Variants in RBFOX1 observed in about 807,000 individuals in gnomAD.
RBFOX1 encodes RNA binding fox-1 homolog 1, also known as RNA binding protein fox-1 homolog 1.
In RBFOX1, 8 loss-of-function variants were observed where a neutral mutation model predicts 57.7. The observed-to-expected ratio is 0.14, with a 90% CI of 0.08 to 0.25. The LOEUF (loss-of-function observed/expected upper bound fraction) is 0.25, where lower values mean the gene tolerates loss of function less well. Ranked by LOEUF, RBFOX1 falls within the 10% of genes least tolerant of loss-of-function variation. The probability of loss-of-function intolerance (pLI) is 1.00; values close to 1 mark genes in which losing one functional copy is unlikely to be tolerated. For synonymous variants in RBFOX1, 326 were observed against 222.4 expected, an observed-to-expected ratio of 1.47 and a Z score of -4.15; for missense variants, 611 against 548.5, an observed-to-expected ratio of 1.11 and a Z score of -1.14.
chr16:7,220,910 A>G (rs1290527572), intron 4 of RBFOX1, among the ~76,000 whole-genome samples: 1 of 152,044 alleles, frequency 6.6e-6, no homozygotes, highest in Admixed American at 6.6e-5. Context: ...GCTCTATGGA[A>G]TGGGTTCTTA....
At chr16:5,676,642 C>A (rs1392143718) in intron 3 of RBFOX1, among the ~76,000 whole-genome samples, 2 of 152,186 alleles carry the variant, frequency 1.3e-5, no homozygotes, top group African/African-American at 4.8e-5. Flanking sequence ...AGGAAGATCA[C>A]TGGAGGCCAG....
intron 3 of RBFOX1, among the ~76,000 whole-genome samples, chr16:6,754,428 G>A (rs368020309): frequency 5.9e-5 from 9 of 152,250 alleles, no homozygotes; most frequent in South Asian, 2.1e-4. Flanking sequence ...ACCTACGGTC[G>A]AAGATTCAGT....
At chr16:6,909,494 A>G (rs992501640) in intron 3 of RBFOX1, among the ~76,000 whole-genome samples, 4 of 152,202 alleles carry the variant, frequency 2.6e-5, no homozygotes, top group African/African-American at 9.6e-5. Context: ...ATGAGACAAG[A>G]TTCTGTCTAT....
At chr16:6,282,355 G>GTTTTTTTTTTT (rs151272388) in intron 1 of RBFOX1, among the ~76,000 whole-genome samples, 7 of 125,258 alleles carry the variant, frequency 5.6e-5, no homozygotes, top group Non-Finnish European at 6.8e-5. Flanking sequence ...TACCTTGTCT[G>GTTTTTTTTTTT]TTTTTTTTTT....
chr16:5,701,344 T>G (rs895705504), intron 3 of RBFOX1, among the ~76,000 whole-genome samples: 1 of 152,254 alleles, frequency 6.6e-6, no homozygotes, highest in East Asian at 1.9e-4. Context: ...AAAGTTTATT[T>G]TGCATGTAGA....
chr16:5,994,118 A>G (rs935328005), intron 4 of RBFOX1, among the ~76,000 whole-genome samples: 2 of 152,106 alleles, frequency 1.3e-5, no homozygotes, highest in African/African-American at 4.8e-5. Flanking sequence ...CTGTTTTTCC[A>G]GCTGTAATGG....
chr16:6,738,736 C>T (rs962179578), intron 3 of RBFOX1, among the ~76,000 whole-genome samples: 1 of 152,038 alleles, frequency 6.6e-6, no homozygotes. Context: ...ATGTCCTAGG[C>T]CATAAAATAG....
chr16:5,534,256 G>C (rs760028264), intron 2 of RBFOX1, among the ~76,000 whole-genome samples: 7 of 152,160 alleles, frequency 4.6e-5, no homozygotes, highest in Non-Finnish European at 1.0e-4. Flanking sequence ...TACTGTATTA[G>C]AGTTCTCCAG....
chr16:7,233,551 T>G (rs1239395897), intron 4 of RBFOX1, among the ~76,000 whole-genome samples: 2 of 152,178 alleles, frequency 1.3e-5, no homozygotes, highest in Admixed American at 1.3e-4. Flanking sequence ...CTGAAAATTT[T>G]ACAAAGTCTA....
In RBFOX1 at chr16:5,470,353, A is replaced by T. The variant is rs184683044; in HGVS notation, c.258+3099A>T. ...AATGTGTCTATTCCTGGTCCCTGGT[A>T]TACCCCCTTTTCCCACTGCAGCCCC... On this transcript the variant is annotated intron_variant, in intron 2 of 2. Transcript: ENST00000585867. Among the ~76,000 whole-genome samples the T allele has an allele frequency of 6.3e-3, 955 of 152,314 alleles. 8 individuals carry two copies. The highest frequency in any genetic ancestry group is 0.022 in the African/African-American group (913 of 41,572).
At chr16:5,446,539 C>T (rs1027359708) in intron 1 of RBFOX1, among the ~76,000 whole-genome samples, 4 of 152,104 alleles carry the variant, frequency 2.6e-5, no homozygotes, top group African/African-American at 9.7e-5. Flanking sequence ...GATCAACACC[C>T]TGTCCTCTTC....
intron 3 of RBFOX1, among the ~76,000 whole-genome samples, chr16:5,727,045 G>C (rs1019094843): frequency 6.6e-6 from 1 of 152,104 alleles, no homozygotes; most frequent in African/African-American, 2.4e-5. Flanking sequence ...GATTACTTGA[G>C]GTCAGGAGTT....
At chr16:7,432,058 G>A (rs538553340) in intron 4 of RBFOX1, among the ~76,000 whole-genome samples, 22 of 152,326 alleles carry the variant, frequency 1.4e-4, no homozygotes, top group African/African-American at 4.6e-4. Flanking sequence ...TGGGAAGGAG[G>A]GTGTCACTTC....
chr16:7,314,440 T>G (rs1340434132), intron 4 of RBFOX1, among the ~76,000 whole-genome samples: 1 of 152,192 alleles, frequency 6.6e-6, no homozygotes, highest in Non-Finnish European at 1.5e-5. Context: ...TCCTGAGCTC[T>G]GAGATGGTGT....
In RBFOX1 at chr16:5,270,821, G is replaced by T. The variant is rs1489770944; in HGVS notation, c.219+30716G>T. ...TCTTCATTAGAAAAGTAAAAATGCT[G>T]GAGAACCCTTGGTTTGAAAGGCATG... is the stretch of plus-strand genomic sequence containing the variant. On this transcript the variant is annotated intron_variant, in intron 1 of 2. Transcript: ENST00000585867. The T allele has an allele frequency of 1.1e-5, 5 of 440,754 alleles. No homozygotes were observed. In the East Asian group the frequency reaches 2.9e-4, roughly 26 times the overall value. The allele number at this position is 440,754 out of a possible 1,614,324, so 27.3% of individuals were successfully genotyped here. A position where few individuals can be genotyped will look rare whatever the true frequency, so the allele number is the denominator to read the frequency against.
chr16:7,420,193 C>T (rs890400268), intron 4 of RBFOX1, among the ~76,000 whole-genome samples: 4 of 152,066 alleles, frequency 2.6e-5, no homozygotes, highest in African/African-American at 9.7e-5. Context: ...GGTAATTATA[C>T]AGATGGGGCA....
chr16:5,826,552 G>A (rs2056062903), intron 3 of RBFOX1, among the ~76,000 whole-genome samples: 1 of 152,214 alleles, frequency 6.6e-6, no homozygotes, highest in Non-Finnish European at 1.5e-5. Flanking sequence ...GTAAACAAAT[G>A]GGTGTGGTTG....
At chr16:6,250,879 C>T (rs2097604856) in intron 1 of RBFOX1, among the ~76,000 whole-genome samples, 1 of 152,134 alleles carries the variant, frequency 6.6e-6, no homozygotes, top group East Asian at 1.9e-4. Flanking sequence ...TTGGATTATC[C>T]AACCTGGTTG....
At position 6,849,322 on chromosome 16, in the gene RBFOX1, A is replaced by G. The variant is rs373246805; in HGVS notation, c.-16+194672A>G. 6.6e-5 allele frequency among the ~76,000 whole-genome samples: 10 copies of G among 152,316 alleles called. 1 individual carries two copies. Among genetic ancestry groups the G allele is most frequent in the East Asian group, 1.9e-4 (1 of 5,180 alleles). On this transcript the variant is annotated intron_variant, in intron 3 of 15. Coordinates refer to ENST00000550418, the MANE Select transcript of RBFOX1 (RefSeq NM_018723.4). Reference sequence around the variant, plus strand: ...GGCAAAAATCGTGTTCATTTTTAAGAGAAATAGATTATGACAAAAGTAGAA... The same window carrying G: ...GGCAAAAATCGTGTTCATTTTTAAGGGAAATAGATTATGACAAAAGTAGAA...
Sources: allele counts gnomAD v4.1 joint callset (sites outside exome capture counted in the v4.1 genomes callset), GRCh38; gene constraint gnomAD v4.1.1; transcripts MANE v1.5; gene names NCBI Gene and HGNC (gene_info 2026-07-23, HGNC 2026-07-21).